The following UBE2Q2 variants were observed in gnomAD, a reference collection of about 807,000 sequenced individuals.
The protein encoded by UBE2Q2 is ubiquitin conjugating enzyme E2 Q2.
Under a neutral mutation model 59.9 loss-of-function variants are expected in UBE2Q2, and 54 were observed. That is an observed-to-expected ratio of 0.90 (90% CI 0.72 to 1.13). The LOEUF is 1.13. Ranked by LOEUF, UBE2Q2 falls within the 50% of genes most tolerant of loss-of-function variation. The pLI, the probability that UBE2Q2 is intolerant of heterozygous loss-of-function variation, is 0.00. For missense variants in UBE2Q2, 433 were observed against 441.9 expected (o/e 0.98, Z 0.18); for synonymous variants, 165 against 155.2 (o/e 1.06, Z -0.47).
At chr15:75,873,742 G>C (rs960563856) in intron 5 of UBE2Q2, among the ~76,000 whole-genome samples, 174 bp downstream of exon 5, 3 of 152,194 alleles carry the variant, frequency 2.0e-5, no homozygotes, top group Non-Finnish European at 4.4e-5. Context: ...GCCTAGGCTA[G>C]AGTGCAGTGG....
intron 11 of UBE2Q2, among the ~76,000 whole-genome samples, chr15:75,895,587 A>C (rs1899367784): frequency 1.3e-5 from 2 of 152,168 alleles, no homozygotes; most frequent in African/African-American, 4.8e-5. Flanking sequence ...AAATAGGAAA[A>C]GGGGGTATAA....
chr15:75,872,129 G>C (rs1197809783), intron 4 of UBE2Q2, among the ~76,000 whole-genome samples: 1 of 152,088 alleles, frequency 6.6e-6, no homozygotes, highest in East Asian at 1.9e-4. Flanking sequence ...GGCTTGAAGA[G>C]ATGGCATTCC....
In UBE2Q2 at chr15:75,843,497, C is replaced by T. The variant is rs1315851323; in HGVS notation, c.-170C>T. The T allele has an allele frequency of 1.9e-5, 6 of 317,376 alleles. No homozygotes were observed. Among genetic ancestry groups the T allele is most frequent in the Non-Finnish European group, 2.7e-5 (5 of 187,648 alleles). The allele number at this position is 317,376 out of a possible 1,614,324, so 19.7% of individuals were successfully genotyped here. On this transcript the variant is annotated 5_prime_UTR_variant, in exon 1 of 13. Transcript: ENST00000267938. ...CCACCCAGGCCGCCACACGCCGAGG[C>T]TTCCGCGCCCCTCGCCATTTTCCAG...
intron 1 of UBE2Q2, among the ~76,000 whole-genome samples, chr15:75,848,607 TGAAGA>T (rs921226266): frequency 4.6e-5 from 7 of 152,206 alleles, no homozygotes; most frequent in Admixed American, 1.3e-4. Flanking sequence ...AACAGATATA[TGAAGA>T]GAAGACTTAG....
At chr15:75,853,986 C>T (rs1896771325) in intron 1 of UBE2Q2, among the ~76,000 whole-genome samples, 1 of 152,126 alleles carries the variant, frequency 6.6e-6, no homozygotes, top group African/African-American at 2.4e-5. Flanking sequence ...GAAGGATGGG[C>T]AAGGCAGACA....
rs751962478 is a variant in UBE2Q2 at position 75,876,244 on chromosome 15, A to G, written c.646A>G (p.Ile216Val). Residue 216 changes from isoleucine (I) to valine (V), a missense_variant, in exon 6 of 13, where the codon ATA becomes GTA. Ile to Val is a conservative substitution (Grantham distance 29, BLOSUM62 3). Transcript: ENST00000267938. ...TAGACTTATGAAAGAGCTCAGGGAC[A>G]TATACAGATCACAGAGTTATAAAAC... The part of the protein sequence containing the change: ...SDRLMKELRD[I>V]YRSQSYKTGI... 3 of 1,613,950 alleles carry G rather than the reference A, an allele frequency of 1.9e-6. No individual in the cohort carries two copies. Among genetic ancestry groups the G allele is most frequent in the South Asian group, 1.1e-5 (1 of 91,082 alleles).
intron 9 of UBE2Q2, 49 bp downstream of exon 9, chr15:75,883,473 A>C (rs28685283): frequency 7.0e-7 from 1 of 1,424,926 alleles, no homozygotes; most frequent in Non-Finnish European, 9.7e-7. Flanking sequence ...GTTAAAAAAA[A>C]TTTTTTTTTA....
intron 3 of UBE2Q2, among the ~76,000 whole-genome samples, chr15:75,862,226 A>G (rs1162828264): frequency 2.0e-5 from 3 of 152,102 alleles, no homozygotes; most frequent in Non-Finnish European, 4.4e-5. Context: ...GGTGTGGTTC[A>G]TTGAGGACCA....
chr15:75,864,254 T>A (rs766026233), intron 3 of UBE2Q2, among the ~76,000 whole-genome samples: 73 of 152,236 alleles, frequency 4.8e-4, no homozygotes, highest in Non-Finnish European at 6.3e-4. Context: ...TCTTTTTTCC[T>A]AAGATCTAGG....
At chr15:75,871,573 ACT>A (rs1369639868) in intron 4 of UBE2Q2, among the ~76,000 whole-genome samples, 1 of 152,144 alleles carries the variant, frequency 6.6e-6, no homozygotes, top group Non-Finnish European at 1.5e-5. Context: ...AGTGGTGATG[ACT>A]CTTAAGGAGC....
intron 5 of UBE2Q2, 36 bp from the exon 6 acceptor site, chr15:75,876,151 A>G (rs1323104202): frequency 1.1e-5 from 18 of 1,601,878 alleles, no homozygotes; most frequent in Non-Finnish European, 1.5e-5. Flanking sequence ...ATCTTAGCTC[A>G]GCAGACCCTG....
chr15:75,881,176 CT>C (rs1248791704), intron 8 of UBE2Q2, among the ~76,000 whole-genome samples: 1 of 151,944 alleles, frequency 6.6e-6, no homozygotes, highest in African/African-American at 2.4e-5. Context: ...AGGTATCTTT[CT>C]TTTTAAAAAA....
intron 3 of UBE2Q2, among the ~76,000 whole-genome samples, chr15:75,867,798 A>G (rs74024009): frequency 0.04 from 6,038 of 152,270 alleles, 215 homozygotes; most frequent in African/African-American, 0.094. Context: ...TGCTCTTTCA[A>G]TCGTTGATGC....
At chr15:75,845,068 G>A (rs981638555) in intron 1 of UBE2Q2, among the ~76,000 whole-genome samples, 7 of 152,102 alleles carry the variant, frequency 4.6e-5, no homozygotes, top group Non-Finnish European at 1.0e-4. Context: ...GAGTGAAGTC[G>A]TCCTCGCTCT....
intron 3 of UBE2Q2, among the ~76,000 whole-genome samples, chr15:75,860,822 TC>T (rs1897171126): frequency 6.6e-6 from 1 of 152,186 alleles, no homozygotes; most frequent in Non-Finnish European, 1.5e-5. Flanking sequence ...CTACAGTAGA[TC>T]CATTGTTTCT....
chr15:75,846,844 T>C (rs1461423409), intron 1 of UBE2Q2, among the ~76,000 whole-genome samples: 1 of 152,250 alleles, frequency 6.6e-6, no homozygotes, highest in Admixed American at 6.5e-5. Flanking sequence ...CACACGTGCA[T>C]GCTAGTTCCT....
At chr15:75,887,949 G>T (rs1336101193) in intron 9 of UBE2Q2, among the ~76,000 whole-genome samples, 2 of 152,182 alleles carry the variant, frequency 1.3e-5, no homozygotes, top group Non-Finnish European at 2.9e-5. Flanking sequence ...ATCTCAATCA[G>T]GGTAAAGCTT....
intron 3 of UBE2Q2, among the ~76,000 whole-genome samples, chr15:75,863,025 T>C (rs1897275750): frequency 6.6e-6 from 1 of 152,126 alleles, no homozygotes; most frequent in Admixed American, 6.5e-5. Context: ...GAGGTAGATG[T>C]ATGTTTGCTT....
rs181476804 is a variant in UBE2Q2, at chr15:75,900,602, C to G, written c.*1144C>G. ...CCAGAAGCACATTTTTCTGCACAAA[C>G]AAGTTACAAAGTTCAAAAGTGTTTC... is the stretch of plus-strand genomic sequence containing the variant. On this transcript the variant is annotated 3_prime_UTR_variant, in exon 13 of 13. Coordinates refer to ENST00000267938, the MANE Select transcript of UBE2Q2 (RefSeq NM_173469.4). 4 of 152,686 alleles carry G rather than the reference C, an allele frequency of 2.6e-5. No individual in the cohort carries two copies. Among genetic ancestry groups the G allele is most frequent in the Admixed American group, 2.0e-4 (3 of 15,302 alleles). The allele number at this position is 152,686 out of a possible 1,614,324, so 9.5% of individuals were successfully genotyped here.
Sources: allele counts gnomAD v4.1 joint callset (sites outside exome capture counted in the v4.1 genomes callset), GRCh38; gene constraint gnomAD v4.1.1; transcripts MANE v1.5; gene names NCBI Gene and HGNC (gene_info 2026-07-23, HGNC 2026-07-21).